The following PLB1 variants were observed in gnomAD, a reference collection of about 807,000 sequenced individuals.
The protein encoded by PLB1 is phospholipase B1, membrane-associated.
Under a neutral mutation model 227.4 loss-of-function variants are expected in PLB1, and 242 were observed. The ratio of observed to expected loss-of-function variants is 1.06; its 90% CI spans 0.96 to 1.18. The LOEUF (loss-of-function observed/expected upper bound fraction) is 1.18, where lower values mean the gene tolerates loss of function less well. Among genes scored for constraint, PLB1 ranks in the 50% most tolerant of loss-of-function variants. The pLI is 0.00. For synonymous variants in PLB1, 757 were observed against 682.2 expected (o/e 1.11, Z -1.71); for missense variants, 1,858 against 1,816.3 (o/e 1.02, Z -0.42).
At chr2:28,589,811 A>G (rs768814914) in intron 28 of PLB1, 41 bp downstream of exon 28, 5 of 1,576,422 alleles carry the variant, frequency 3.2e-6, no homozygotes, top group Non-Finnish European at 3.5e-6. Flanking sequence ...CCCTCTGGTA[A>G]GAAAAAGACT....
rs56024816 is a variant in PLB1 at position 28,628,727 on chromosome 2, C to A, written c.3726+99C>A. On this transcript the variant is annotated intron_variant, in intron 52 of 57. Coordinates refer to ENST00000327757, the MANE Select transcript of PLB1 (RefSeq NM_153021.5). ...GTGAGATGCTCACGGAGCAGAGACC[C>A]GCCATGAGTGAGCACCTGGATGGCA... 5.8e-3 allele frequency: 6,889 copies of A among 1,196,468 alleles called. 33 individuals are homozygous for A. Among genetic ancestry groups the A allele is most frequent in the Non-Finnish European group, 6.7e-3 (5,411 of 807,994 alleles). 74.1% of individuals were successfully genotyped at this position (1,196,468 alleles called of 1,614,324 possible).
chr2:28,548,943 T>C lies in PLB1; in HGVS notation c.1008+12T>C. On this transcript the variant is annotated intron_variant, in intron 15 of 57. Transcript: ENST00000327757. ...AGTGTCCCTCTCAGGTAGGAGGGAC[T>C]GGGCAGAGGAGGGACTCTTATTGAA... The C allele has an allele frequency of 6.2e-7, 1 of 1,612,654 alleles. No homozygotes were observed. The highest frequency in any genetic ancestry group is 1.7e-4 in the Middle Eastern group (1 of 6,050).
rs932106120 is a variant in PLB1 at position 28,620,811 on chromosome 2, A to G, written c.3428-68A>G. 10 of 1,464,608 alleles carry G rather than the reference A, an allele frequency of 6.8e-6. No homozygotes were observed. The African/African-American group carries it at 1.1e-4, about 16-fold the overall frequency. 90.7% of individuals were successfully genotyped at this position (1,464,608 alleles called of 1,614,324 possible). ...ACCCATGTCCCCACCCTGCATGCTC[A>G]TCTCAGTTACTGTGAGGGTCCTGCA... On this transcript the variant is annotated intron_variant, in intron 48 of 57. Transcript: ENST00000327757.
intron 19 of PLB1, among the ~76,000 whole-genome samples, chr2:28,565,619 A>G (rs946804523): frequency 6.6e-6 from 1 of 152,152 alleles, no homozygotes; most frequent in Non-Finnish European, 1.5e-5. Flanking sequence ...TCTGGCTTCC[A>G]TTTCTCCCTC....
At chr2:28,547,217 G>GA (rs753890664) in intron 14 of PLB1, among the ~76,000 whole-genome samples, 2 of 124,718 alleles carry the variant, frequency 1.6e-5, no homozygotes, top group African/African-American at 3.0e-5. Flanking sequence ...AAAAAAAAAA[G>GA]AAAAAAAAAA....
chr2:28,511,316 A>G (rs921266376), intron 1 of PLB1, among the ~76,000 whole-genome samples: 12 of 151,966 alleles, frequency 7.9e-5, no homozygotes, highest in Non-Finnish European at 1.3e-4. Flanking sequence ...TTTTTTTCTA[A>G]TGACACTTTA....
In PLB1 at chr2:28,612,609, CTTTTTTT is replaced by C. The variant is rs34185578; in HGVS notation, c.3130-1411_3130-1405del. Among the ~76,000 whole-genome samples the C allele has an allele frequency of 1.8e-4, 25 of 137,452 alleles. No individual in the cohort carries two copies. The East Asian group carries it at 2.3e-3, about 13-fold the overall frequency. The allele number at this position is 137,452 out of a possible 152,430, so 90.2% of individuals were successfully genotyped here. The stretch of plus-strand genomic sequence containing the variant: ...CACTTTTCCAACATTCTGGTTTTCC[CTTTTTTT>C]TTTTTTTTTTGAAACAGAGTCTTGC... On this transcript the variant is annotated intron_variant, in intron 43 of 57. Transcript: ENST00000327757.
At position 28,539,188 on chromosome 2, in the gene PLB1, GA is replaced by G; in HGVS notation, c.698+12del. The G allele has an allele frequency of 6.2e-7, 1 of 1,606,966 alleles. No homozygotes were observed. Among genetic ancestry groups the G allele is most frequent in the Non-Finnish European group, 8.5e-7 (1 of 1,173,452 alleles). ...ACGGCACTTGGCTCAGGTAAAAGGGGAAGTGGAATGAGACACGCATCTGTGA... is the reference window on the plus strand; with the variant it reads ...ACGGCACTTGGCTCAGGTAAAAGGGGAGTGGAATGAGACACGCATCTGTGA... On this transcript the variant is annotated intron_variant, in intron 11 of 57. Coordinates refer to ENST00000327757, the MANE Select transcript of PLB1 (RefSeq NM_153021.5).
chr2:28,577,555 C>T (rs1679183694), intron 21 of PLB1, among the ~76,000 whole-genome samples: 2 of 152,104 alleles, frequency 1.3e-5, no homozygotes, highest in Non-Finnish European at 2.9e-5. Flanking sequence ...AGAAAATAGT[C>T]ACACCGGCCG....
Position 28,576,202 on chromosome 2 carries a change from A to G in PLB1, c.1434-1905A>G, listed in dbSNP as rs575030596. On this transcript the variant is annotated intron_variant, in intron 21 of 57. Transcript: ENST00000327757. ...TGGGGGTTATTATTCCCGTATTACA[A>G]TCGAAGAAACTATAGCACAAAGAGG... Among the ~76,000 whole-genome samples, 57 of 152,304 alleles carry G rather than the reference A, an allele frequency of 3.7e-4. 1 individual carries two copies. The highest frequency in any genetic ancestry group is 6.9e-4 in the Non-Finnish European group (47 of 68,030).
intron 47 of PLB1, 105 bp from the exon 48 acceptor site, chr2:28,620,495 C>A: frequency 7.0e-7 from 1 of 1,430,116 alleles, no homozygotes; most frequent in Non-Finnish European, 9.5e-7. Context: ...ATGGGAGAGA[C>A]GCCCCAGGGG....
At chr2:28,510,474 G>T (rs951716090) in intron 1 of PLB1, among the ~76,000 whole-genome samples, 1 of 152,052 alleles carries the variant, frequency 6.6e-6, no homozygotes, top group Non-Finnish European at 1.5e-5. Flanking sequence ...AGCAAGGCCA[G>T]CCCACTTGGC....
At chr2:28,501,249 A>G (rs1000722935) in intron 1 of PLB1, among the ~76,000 whole-genome samples, 49 of 152,208 alleles carry the variant, frequency 3.2e-4, no homozygotes, top group Non-Finnish European at 6.2e-4. Context: ...AGACACATCA[A>G]TGAATTTACT....
chr2:28,542,703 C>T (rs1257124110), intron 13 of PLB1, among the ~76,000 whole-genome samples: 1 of 152,154 alleles, frequency 6.6e-6, no homozygotes, highest in Non-Finnish European at 1.5e-5. Context: ...GGGCAAGGGG[C>T]CACCCAGACC....
rs1690227731 is a variant in PLB1, at chr2:28,644,013, G to T, written c.*952G>T. 6.6e-6 allele frequency among the ~76,000 whole-genome samples: 1 copy of T among 152,222 alleles called. No homozygotes were observed. The highest frequency in any genetic ancestry group is 1.5e-5 in the Non-Finnish European group (1 of 68,050). Reference sequence around the variant, plus strand: ...GGGAGGGGGTAAAGGGAAAATCTTTGAAAATAGAAGTGATGCTTGCGCAAC... The same window carrying T: ...GGGAGGGGGTAAAGGGAAAATCTTTTAAAATAGAAGTGATGCTTGCGCAAC... On this transcript the variant is annotated 3_prime_UTR_variant, in exon 58 of 58. Transcript: ENST00000327757.
chr2:28,554,935 A>G (rs1674814344), intron 17 of PLB1, among the ~76,000 whole-genome samples: 2 of 152,194 alleles, frequency 1.3e-5, no homozygotes, highest in South Asian at 4.1e-4. Context: ...AGCCATTTAT[A>G]TAATAACAAG....
intron 24 of PLB1, 120 bp downstream of exon 24, chr2:28,582,253 G>T: frequency 7.9e-7 from 1 of 1,266,510 alleles, no homozygotes; most frequent in Non-Finnish European, 1.1e-6. Context: ...CAGCCCAAAT[G>T]CATAGAGGGG....
chr2:28,563,214 C>A, intron 18 of PLB1, 115 bp downstream of exon 18: 2 of 1,030,852 alleles, frequency 1.9e-6, no homozygotes, highest in East Asian at 2.5e-5. Context: ...ATGCTACCAT[C>A]TCGGGTCCTG....
intron 44 of PLB1, 118 bp from the exon 45 acceptor site, chr2:28,617,609 G>C: frequency 5.3e-6 from 5 of 944,924 alleles, no homozygotes; most frequent in Non-Finnish European, 8.6e-6. Flanking sequence ...ACATGATCCT[G>C]TATGGTGACT....
Sources: allele counts gnomAD v4.1 joint callset (sites outside exome capture counted in the v4.1 genomes callset), GRCh38; gene constraint gnomAD v4.1.1; transcripts MANE v1.5; gene names NCBI Gene and HGNC (gene_info 2026-07-23, HGNC 2026-07-21).